TMEM74: variants seen among roughly 807,000 people sequenced by gnomAD.
The protein encoded by TMEM74 is transmembrane protein 74.
TMEM74 carries 13 observed loss-of-function variants against 18.1 expected under a neutral mutation model. The observed-to-expected ratio is 0.72, with a 90% CI of 0.47 to 1.14. TMEM74 has a LOEUF of 1.14. Among genes scored for constraint, TMEM74 ranks in the 50% most tolerant of loss-of-function variants. TMEM74 has a pLI of 0.00. For missense variants in TMEM74, 372 were observed against 375.9 expected (o/e 0.99, Z 0.09); for synonymous variants, 159 against 146.6 (o/e 1.08, Z -0.61).
At chr8:108,659,243 G>T (rs1013312059) in intron 1 of TMEM74, among the ~76,000 whole-genome samples, 1 of 22,138 alleles carries the variant, frequency 4.5e-5, no homozygotes, top group Non-Finnish European at 7.6e-5. Context: ...GGCCTTTATA[G>T]ATAGCCCACT....
intron 1 of TMEM74, among the ~76,000 whole-genome samples, chr8:108,684,945 A>T (rs771447795): frequency 3.3e-5 from 5 of 152,140 alleles, no homozygotes; most frequent in Non-Finnish European, 7.4e-5. Context: ...TGAAAATTTT[A>T]GGAGTTTTTT....
chr8:108,618,146 C>T (rs181385206), intron 2 of TMEM74, among the ~76,000 whole-genome samples: 73 of 152,284 alleles, frequency 4.8e-4, no homozygotes, highest in Admixed American at 3.8e-3. Flanking sequence ...CCTTTTATGC[C>T]TATTGCCTTT....
chr8:108,706,032 G>C (rs1040356995), intron 1 of TMEM74, among the ~76,000 whole-genome samples: 1 of 152,190 alleles, frequency 6.6e-6, no homozygotes, highest in Non-Finnish European at 1.5e-5. Context: ...TAAATTAACA[G>C]GTGGCTGTAG....
chr8:108,756,599 A>AAAGGAAGGAAGG (rs200040254), intron 1 of TMEM74, among the ~76,000 whole-genome samples: 7 of 51,552 alleles, frequency 1.4e-4, no homozygotes, highest in Admixed American at 2.0e-4. Flanking sequence ...AAAGAAAGAG[A>AAAGGAAGGAAGG]AAGGAAGGAA....
chr8:108,645,406 A>T (rs1483096951), intron 2 of TMEM74, among the ~76,000 whole-genome samples: 1 of 152,160 alleles, frequency 6.6e-6, no homozygotes, highest in African/African-American at 2.4e-5. Flanking sequence ...TACTATGCTC[A>T]GTGCCTGGGT....
chr8:108,765,102 G>A (rs915380351), intron 1 of TMEM74, among the ~76,000 whole-genome samples: 2 of 152,142 alleles, frequency 1.3e-5, no homozygotes, highest in African/African-American at 4.8e-5. Context: ...TGATTAACTT[G>A]TGGTTGGAAA....
intron 1 of TMEM74, among the ~76,000 whole-genome samples, chr8:108,665,273 A>G (rs1194194315): frequency 6.6e-6 from 1 of 152,172 alleles, no homozygotes; most frequent in East Asian, 1.9e-4. Context: ...TAACTGGTCC[A>G]GCAGTCTGGG....
intron 2 of TMEM74, among the ~76,000 whole-genome samples, chr8:108,650,692 G>A (rs1812764203): frequency 1.4e-5 from 2 of 137,964 alleles, no homozygotes; most frequent in Admixed American, 7.3e-5. Context: ...TATTCTCATT[G>A]AGGCATTCTT....
intron 1 of TMEM74, among the ~76,000 whole-genome samples, chr8:108,749,517 C>T (rs1258009351): frequency 2.0e-5 from 3 of 152,158 alleles, no homozygotes; most frequent in African/African-American, 7.2e-5. Context: ...TGAGACTTTG[C>T]TGAAGTTGCC....
At chr8:108,710,283 G>A (rs79926510) in intron 1 of TMEM74, among the ~76,000 whole-genome samples, 2,030 of 152,300 alleles carry the variant, frequency 0.013, 47 homozygotes, top group African/African-American at 0.046. Flanking sequence ...GAGAACTATA[G>A]GGACCATGAT....
intron 1 of TMEM74, among the ~76,000 whole-genome samples, chr8:108,707,663 C>G (rs180925843): frequency 1.1e-4 from 16 of 152,234 alleles, no homozygotes; most frequent in Admixed American, 9.2e-4. Context: ...AAATTGGGGC[C>G]TTACTTTACA....
chr8:108,690,268 A>C lies in TMEM74; in HGVS notation n.120-34831T>G, dbSNP rs572947363. Among the ~76,000 whole-genome samples the C allele has an allele frequency of 2.6e-5, 4 of 152,312 alleles. No individual in the cohort carries two copies. In the South Asian group the frequency reaches 8.3e-4, roughly 32 times the overall value. On this transcript the variant is annotated intron_variant and non_coding_transcript_variant, in intron 1 of 3. Transcript: ENST00000518838. ...CTAATGTGTTCATCCATACATTTCT[A>C]TAAACAGAATCCAGCTCACATTTTA...
intron 1 of TMEM74, among the ~76,000 whole-genome samples, chr8:108,744,336 GA>G (rs1277058685): frequency 6.6e-6 from 1 of 152,104 alleles, no homozygotes; most frequent in Admixed American, 6.5e-5. Flanking sequence ...GAGTAACTGA[GA>G]AAAAAGTCTC....
intron 1 of TMEM74, among the ~76,000 whole-genome samples, chr8:108,672,900 T>C (rs1263762338): frequency 1.3e-5 from 2 of 152,218 alleles, no homozygotes; most frequent in Non-Finnish European, 2.9e-5. Flanking sequence ...ATGGGTTTAG[T>C]ACAACATGGG....
At chr8:108,643,969 A>G (rs976852988) in intron 2 of TMEM74, among the ~76,000 whole-genome samples, 12 of 152,126 alleles carry the variant, frequency 7.9e-5, no homozygotes, top group African/African-American at 2.4e-4. Context: ...CAAACTACCA[A>G]TGACATTTTT....
intron 1 of TMEM74, among the ~76,000 whole-genome samples, chr8:108,703,569 T>C (rs528806067): frequency 4.6e-5 from 7 of 152,218 alleles, no homozygotes; most frequent in Admixed American, 3.9e-4. Context: ...ATTAGGGTCA[T>C]AGAAGGAGGG....
At chr8:108,636,769 C>T (rs996635489) in intron 2 of TMEM74, among the ~76,000 whole-genome samples, 1 of 148,660 alleles carries the variant, frequency 6.7e-6, no homozygotes, top group African/African-American at 2.6e-5. Context: ...GCACATTCTG[C>T]TCTCCATCCT....
intron 1 of TMEM74, among the ~76,000 whole-genome samples, chr8:108,674,117 CA>C (rs2130592649): frequency 6.6e-6 from 1 of 152,258 alleles, no homozygotes; most frequent in Non-Finnish European, 1.5e-5. Flanking sequence ...ATTGTTTCCA[CA>C]AGCAAGTATG....
intron 1 of TMEM74, among the ~76,000 whole-genome samples, chr8:108,677,516 T>G (rs572498837): frequency 7.9e-5 from 12 of 151,642 alleles, no homozygotes; most frequent in African/African-American, 2.9e-4. Flanking sequence ...GGGGCTGAAG[T>G]CAGTTTCAAA....
Sources: gnomAD v4.1 joint callset for allele counts (sites outside exome capture counted in the v4.1 genomes callset) on GRCh38, gnomAD v4.1.1 for gene constraint, MANE v1.5 for transcripts, NCBI Gene and HGNC (gene_info 2026-07-23, HGNC 2026-07-21) for gene names.